The following SCLT1 variants were observed in gnomAD, a reference collection of about 807,000 sequenced individuals.
SCLT1 encodes the protein sodium channel-associated protein 1.
Under a neutral mutation model 112.8 loss-of-function variants are expected in SCLT1, and 78 were observed. The ratio of observed to expected loss-of-function variants is 0.69; its 90% CI spans 0.58 to 0.83. SCLT1 has a LOEUF of 0.83. Ranked by LOEUF, SCLT1 falls within the 40% of genes least tolerant of loss-of-function variation. The pLI is 0.00. For synonymous variants in SCLT1, 257 were observed against 254.7 expected (o/e 1.01, Z -0.09); for missense variants, 747 against 770.4 (o/e 0.97, Z 0.36).
intron 9 of SCLT1, among the ~76,000 whole-genome samples, chr4:128,986,592 A>G (rs977212303): frequency 6.6e-6 from 1 of 152,182 alleles, no homozygotes; most frequent in Non-Finnish European, 1.5e-5. Context: ...AAGAGTATAG[A>G]GGACTGTGTC....
intron 1 of SCLT1, among the ~76,000 whole-genome samples, chr4:129,083,760 T>C (rs537047284): frequency 6.6e-6 from 1 of 152,196 alleles, no homozygotes; most frequent in South Asian, 2.1e-4. Context: ...ACCTCCAAAC[T>C]TGCTTAAAGA....
chr4:128,940,784 C>T (rs1403229557), intron 17 of SCLT1, among the ~76,000 whole-genome samples: 1 of 151,520 alleles, frequency 6.6e-6, no homozygotes, highest in Non-Finnish European at 1.5e-5. Context: ...TTTTACTATA[C>T]ATATAGATGT....
At chr4:129,065,243 T>C (rs1750374640) in intron 2 of SCLT1, among the ~76,000 whole-genome samples, 1 of 152,080 alleles carries the variant, frequency 6.6e-6, no homozygotes, top group Admixed American at 6.5e-5. Flanking sequence ...TTTCATTTCA[T>C]ATCACTAGGC....
At chr4:129,078,801 C>A (rs1306779775) in intron 2 of SCLT1, among the ~76,000 whole-genome samples, 1 of 152,140 alleles carries the variant, frequency 6.6e-6, no homozygotes, top group African/African-American at 2.4e-5. Context: ...CATTCTTGCA[C>A]TGCTATAAGG....
At chr4:128,902,745 T>C (rs1191000522) in intron 18 of SCLT1, among the ~76,000 whole-genome samples, 1 of 152,182 alleles carries the variant, frequency 6.6e-6, no homozygotes, top group Non-Finnish European at 1.5e-5. Context: ...ACACTAACCT[T>C]AGCCTACTGT....
intron 17 of SCLT1, among the ~76,000 whole-genome samples, chr4:128,941,158 C>G (rs1737661606): frequency 2.6e-5 from 4 of 152,070 alleles, no homozygotes; most frequent in Admixed American, 2.0e-4. Context: ...GGGTCCCTCC[C>G]ATGACACACT....
At chr4:128,999,133 C>T (rs1743245841) in intron 7 of SCLT1, among the ~76,000 whole-genome samples, 1 of 151,788 alleles carries the variant, frequency 6.6e-6, no homozygotes, top group East Asian at 1.9e-4. Flanking sequence ...ATGATTCTTG[C>T]TTTGGGTAGA....
chr4:129,089,520 C>A (rs181121045), intron 1 of SCLT1, among the ~76,000 whole-genome samples: 1 of 152,254 alleles, frequency 6.6e-6, no homozygotes, highest in Admixed American at 6.5e-5. Context: ...TGGGTATATA[C>A]CCAAATAATC....
At chr4:128,892,032 T>C (rs186705914) in intron 18 of SCLT1, among the ~76,000 whole-genome samples, 16 of 152,356 alleles carry the variant, frequency 1.1e-4, no homozygotes, top group African/African-American at 3.8e-4. Context: ...TACTCCAGTA[T>C]CACTTCAGTG....
chr4:128,997,870 T>G lies in SCLT1; in HGVS notation c.615+4A>C. On this transcript the variant is annotated splice_donor_region_variant and intron_variant, in intron 8 of 20. Coordinates refer to ENST00000281142, the MANE Select transcript of SCLT1 (RefSeq NM_144643.4). ...TTCTAGTTTATATAAATAAGTATACTTACCACTTCCATGTTCTCATTAGTA... is the reference window on the plus strand; with the variant it reads ...TTCTAGTTTATATAAATAAGTATACGTACCACTTCCATGTTCTCATTAGTA... 6.6e-6 allele frequency: 9 copies of G among 1,369,784 alleles called. No individual in the cohort carries two copies. Among genetic ancestry groups the G allele is most frequent in the Non-Finnish European group, 9.0e-6 (9 of 1,004,478 alleles). The allele number at this position is 1,369,784 out of a possible 1,614,324, so 84.9% of individuals were successfully genotyped here.
At chr4:129,013,719 T>C (rs1425617960) in intron 5 of SCLT1, among the ~76,000 whole-genome samples, 1 of 152,150 alleles carries the variant, frequency 6.6e-6, no homozygotes, top group African/African-American at 2.4e-5. Flanking sequence ...CTCATCTTTC[T>C]CTCTAAGATG....
intron 18 of SCLT1, among the ~76,000 whole-genome samples, chr4:128,932,366 T>C (rs1047500679): frequency 6.6e-6 from 1 of 152,116 alleles, no homozygotes; most frequent in Non-Finnish European, 1.5e-5. Flanking sequence ...TATACATGTA[T>C]AAAACCTAAG....
intron 5 of SCLT1, among the ~76,000 whole-genome samples, chr4:129,030,644 C>T (rs1746627101): frequency 6.6e-6 from 1 of 151,988 alleles, no homozygotes; most frequent in Admixed American, 6.5e-5. Flanking sequence ...CCACTGATCC[C>T]ACAGAAATAA....
At chr4:129,034,280 T>C (rs756879527) in intron 5 of SCLT1, among the ~76,000 whole-genome samples, 1 of 152,028 alleles carries the variant, frequency 6.6e-6, no homozygotes, top group Admixed American at 6.6e-5. Flanking sequence ...CACAAATGAA[T>C]GGCATAATTA....
Position 129,038,585 on chromosome 4 carries a change from G to T in SCLT1, c.290+456C>A, listed in dbSNP as rs570298745. Reference sequence around the variant, plus strand: ...AGTGTTTATCTCTGGCAGAGAGAAAGAGAAGGATGGGAAATGGAAGAAAAA... The same window carrying T: ...AGTGTTTATCTCTGGCAGAGAGAAATAGAAGGATGGGAAATGGAAGAAAAA... On this transcript the variant is annotated intron_variant, in intron 5 of 20. Coordinates refer to ENST00000281142, the MANE Select transcript of SCLT1 (RefSeq NM_144643.4). Among the ~76,000 whole-genome samples the T allele has an allele frequency of 3.3e-5, 5 of 152,260 alleles. No homozygotes were observed. The South Asian group carries it at 1.0e-3, about 32-fold the overall frequency.
At chr4:128,935,470 C>T (rs898866977) in intron 18 of SCLT1, among the ~76,000 whole-genome samples, 4 of 151,946 alleles carry the variant, frequency 2.6e-5, no homozygotes, top group Non-Finnish European at 4.4e-5. Context: ...GAATGTAAAA[C>T]CTAGATCTGT....
intron 18 of SCLT1, among the ~76,000 whole-genome samples, chr4:128,919,122 T>C (rs1735688464): frequency 6.6e-6 from 1 of 151,942 alleles, no homozygotes; most frequent in Non-Finnish European, 1.5e-5. Context: ...AAACAGAATA[T>C]ACATTCTTCT....
At chr4:128,932,291 T>G (rs1429445211) in intron 18 of SCLT1, among the ~76,000 whole-genome samples, 4 of 152,148 alleles carry the variant, frequency 2.6e-5, no homozygotes, top group Non-Finnish European at 5.9e-5. Flanking sequence ...ATTGAATTTA[T>G]AAGATATTCA....
intron 18 of SCLT1, among the ~76,000 whole-genome samples, chr4:128,902,725 T>C (rs1445057406): frequency 6.6e-6 from 1 of 152,196 alleles, no homozygotes; most frequent in African/African-American, 2.4e-5. Flanking sequence ...AAAAACATAT[T>C]TTTTCTTCAA....
Sources: allele counts gnomAD v4.1 joint callset (sites outside exome capture counted in the v4.1 genomes callset), GRCh38; gene constraint gnomAD v4.1.1; transcripts MANE v1.5; gene names NCBI Gene and HGNC (gene_info 2026-07-23, HGNC 2026-07-21).